The following LRBA variants were observed in gnomAD, a reference collection of about 807,000 sequenced individuals.
The protein encoded by LRBA is lipopolysaccharide-responsive and beige-like anchor protein.
Under a neutral mutation model 330.0 loss-of-function variants are expected in LRBA, and 176 were observed. That is an observed-to-expected ratio of 0.53 (90% confidence interval 0.47 to 0.60). LRBA has a LOEUF of 0.60. Ranked by LOEUF, LRBA falls within the 20% of genes least tolerant of loss-of-function variation. The probability of loss-of-function intolerance (pLI) is 0.00; values close to 1 mark genes in which losing one functional copy is unlikely to be tolerated. For synonymous variants in LRBA, 1,230 were observed against 1,193.0 expected, an observed-to-expected ratio of 1.03 and a Z score of -0.64; for missense variants, 3,259 against 3,444.8, an observed-to-expected ratio of 0.95 and a Z score of 1.35.
At chr4:150,801,827 C>T (rs1741651227) in intron 33 of LRBA, among the ~76,000 whole-genome samples, 1 of 151,706 alleles carries the variant, frequency 6.6e-6, no homozygotes, top group Non-Finnish European at 1.5e-5. Context: ...TTTTTGCCTA[C>T]CCCAAAAAAA....
At chr4:150,416,188 A>C (rs548606259) in intron 46 of LRBA, among the ~76,000 whole-genome samples, 8 of 152,238 alleles carry the variant, frequency 5.3e-5, no homozygotes, top group Non-Finnish European at 1.2e-4. Context: ...TCAATATGTA[A>C]CTTTAATAAT....
At chr4:150,855,469 TTTATA>T (rs1212337364) in intron 22 of LRBA, among the ~76,000 whole-genome samples, 3 of 152,230 alleles carry the variant, frequency 2.0e-5, no homozygotes, top group Non-Finnish European at 2.9e-5. Context: ...TTTGATTTTA[TTTATA>T]TTAAAGGTTT....
chr4:150,392,701 G>T (rs548298159), intron 47 of LRBA, among the ~76,000 whole-genome samples: 1 of 152,128 alleles, frequency 6.6e-6, no homozygotes, highest in East Asian at 1.9e-4. Context: ...TGCTGAAGTT[G>T]CTTATCAGCT....
intron 37 of LRBA, among the ~76,000 whole-genome samples, chr4:150,666,102 T>C (rs1349735612): frequency 6.6e-6 from 1 of 151,742 alleles, no homozygotes; most frequent in African/African-American, 2.4e-5. Flanking sequence ...TAGGAAAAAA[T>C]CTCTAGATTA....
At chr4:150,701,500 T>C (rs1561531522) in intron 36 of LRBA, among the ~76,000 whole-genome samples, 1 of 152,320 alleles carries the variant, frequency 6.6e-6, no homozygotes, top group East Asian at 1.9e-4. Flanking sequence ...ACTATGACAT[T>C]ACAATGGCTA....
At chr4:150,379,688 T>C (rs2151885266) in intron 47 of LRBA, among the ~76,000 whole-genome samples, 1 of 152,314 alleles carries the variant, frequency 6.6e-6, no homozygotes, top group East Asian at 1.9e-4. Context: ...AAATGAATAG[T>C]GCTATTTTCT....
At chr4:150,552,964 G>A (rs1490815521) in intron 40 of LRBA, among the ~76,000 whole-genome samples, 1 of 151,848 alleles carries the variant, frequency 6.6e-6, no homozygotes, top group East Asian at 1.9e-4. Flanking sequence ...AGCTACTTGG[G>A]AGGCTGAGGC....
chr4:150,830,011 C>G (rs1384475299), intron 29 of LRBA, among the ~76,000 whole-genome samples: 3 of 152,100 alleles, frequency 2.0e-5, no homozygotes, highest in Non-Finnish European at 2.9e-5. Flanking sequence ...AAAACATATT[C>G]AGAATCTGAC....
chr4:150,310,502 T>C (rs1580975420), intron 51 of LRBA, 118 bp from the exon 52 acceptor site: 1 of 600,646 alleles, frequency 1.7e-6, no homozygotes, highest in East Asian at 2.8e-5. Context: ...ATTCTAAGTA[T>C]AATAATTGAA....
chr4:150,696,351 C>T (rs1233175959), intron 36 of LRBA, among the ~76,000 whole-genome samples: 1 of 152,138 alleles, frequency 6.6e-6, no homozygotes, highest in African/African-American at 2.4e-5. Flanking sequence ...AACTCTAGAG[C>T]TAGATGACTT....
intron 36 of LRBA, among the ~76,000 whole-genome samples, chr4:150,688,227 G>T (rs1783798621): frequency 6.6e-6 from 1 of 152,182 alleles, no homozygotes; most frequent in Non-Finnish European, 1.5e-5. Context: ...TTAATAAATG[G>T]TGTTGGGAAA....
At chr4:150,412,390 G>A (rs1054181380) in intron 47 of LRBA, among the ~76,000 whole-genome samples, 1 of 152,138 alleles carries the variant, frequency 6.6e-6, no homozygotes. Flanking sequence ...TTTAGAGCGT[G>A]GGTAGCCAAA....
chr4:150,685,408 ATATATATATATATTTTTT>A (rs1303123382), intron 36 of LRBA, among the ~76,000 whole-genome samples: 1 of 15,624 alleles, frequency 6.4e-5, no homozygotes, highest in Non-Finnish European at 1.3e-4. Flanking sequence ...ATATATATAT[ATATATATATATATTTTTT>A]TTTTTTTTTT....
intron 37 of LRBA, among the ~76,000 whole-genome samples, chr4:150,621,519 C>A (rs950557558): frequency 6.6e-6 from 1 of 152,104 alleles, no homozygotes; most frequent in Non-Finnish European, 1.5e-5. Flanking sequence ...TAATTAAATA[C>A]CTGTTGGATC....
At chr4:150,460,559 C>T (rs576350382) in intron 44 of LRBA, among the ~76,000 whole-genome samples, 17 of 151,764 alleles carry the variant, frequency 1.1e-4, no homozygotes, top group African/African-American at 3.1e-4. Context: ...AAAAACAAAA[C>T]GAAACAAAAC....
Position 150,807,867 on chromosome 4 carries a change from C to T in LRBA, c.5384+453G>A, listed in dbSNP as rs1184140899. Among the ~76,000 whole-genome samples the T allele has an allele frequency of 4.6e-5, 7 of 152,236 alleles. 2 individuals are homozygous for T. The highest frequency in any genetic ancestry group is 6.5e-5 in the Admixed American group (1 of 15,294). On this transcript the variant is annotated intron_variant, in intron 32 of 56. Transcript: ENST00000651943. ...TTTTCACCATGTTGGCCAGGCTGAT[C>T]TTGAACTCCTGACTTCAAGTAATCC...
chr4:150,340,150 A>G (rs1240258069), intron 48 of LRBA, among the ~76,000 whole-genome samples: 2 of 152,120 alleles, frequency 1.3e-5, no homozygotes, highest in African/African-American at 4.8e-5. Flanking sequence ...CTCCCTAGCC[A>G]TGTGGAACTG....
intron 22 of LRBA, among the ~76,000 whole-genome samples, chr4:150,858,611 C>T (rs1751507949): frequency 6.6e-6 from 1 of 152,204 alleles, no homozygotes. Flanking sequence ...CTCACTGCAG[C>T]TTCAGCATCC....
chr4:150,803,483 A>G (rs1742066682), intron 33 of LRBA, among the ~76,000 whole-genome samples: 1 of 152,140 alleles, frequency 6.6e-6, no homozygotes, highest in South Asian at 2.1e-4. Context: ...TAATACTAAA[A>G]AACTCATAAG....
Sources: allele counts gnomAD v4.1 joint callset (sites outside exome capture counted in the v4.1 genomes callset), GRCh38; gene constraint gnomAD v4.1.1; transcripts MANE v1.5; gene names NCBI Gene and HGNC (gene_info 2026-07-23, HGNC 2026-07-21).